Variants in LDLRAD4 observed in about 807,000 individuals in gnomAD.
The protein encoded by LDLRAD4 is low-density lipoprotein receptor class A domain-containing protein 4.
LDLRAD4 carries 5 observed loss-of-function variants against 17.0 expected under a neutral mutation model. That is an observed-to-expected ratio of 0.29 (90% confidence interval 0.15 to 0.62). The LOEUF (loss-of-function observed/expected upper bound fraction) is 0.62, where lower values mean the gene tolerates loss of function less well. Among genes scored for constraint, LDLRAD4 ranks in the 20% least tolerant of loss-of-function variants. The pLI, the probability that LDLRAD4 is intolerant of heterozygous loss-of-function variation, is 0.84. For synonymous variants in LDLRAD4, 168 were observed against 171.8 expected, an observed-to-expected ratio of 0.98 and a Z score of 0.17; for missense variants, 340 against 424.7, an observed-to-expected ratio of 0.80 and a Z score of 1.75.
intron 1 of LDLRAD4, among the ~76,000 whole-genome samples, chr18:13,249,090 G>A (rs1161720215): frequency 1.3e-5 from 2 of 152,126 alleles, no homozygotes; most frequent in Admixed American, 6.5e-5. Context: ...TTTTCATTTT[G>A]TATGGCTGAT....
intron 3 of LDLRAD4, chr18:13,522,002 G>A (rs1050147534): frequency 6.6e-6 from 1 of 151,214 alleles, no homozygotes; most frequent in African/African-American, 2.4e-5. Context: ...GCAGGGTTAT[G>A]GTGAAGTAAT....
At chr18:13,591,514 TAAAG>T (rs1568379567) in intron 3 of LDLRAD4, among the ~76,000 whole-genome samples, 1 of 152,028 alleles carries the variant, frequency 6.6e-6, no homozygotes, top group African/African-American at 2.4e-5. Flanking sequence ...ATGTTAAAAA[TAAAG>T]AAAACAATCA....
intron 4 of LDLRAD4, chr18:13,642,405 T>C (rs1416668332): frequency 2.1e-5 from 23 of 1,101,430 alleles, no homozygotes; most frequent in Non-Finnish European, 2.5e-5. Context: ...GTACTTTTTT[T>C]CCCAGCACGC....
chr18:13,297,637 AG>A (rs571452282), intron 1 of LDLRAD4, among the ~76,000 whole-genome samples: 57 of 152,298 alleles, frequency 3.7e-4, no homozygotes, highest in African/African-American at 1.2e-3. Flanking sequence ...TCTACAAAAA[AG>A]TTTTTAAAGA....
intron 3 of LDLRAD4, among the ~76,000 whole-genome samples, chr18:13,582,392 A>T (rs996851548): frequency 6.6e-6 from 1 of 152,280 alleles, no homozygotes; most frequent in African/African-American, 2.4e-5. Context: ...AAAGAACTGC[A>T]TCTAAACCGC....
At chr18:13,334,244 CT>C (rs113071795) in intron 1 of LDLRAD4, among the ~76,000 whole-genome samples, 4,537 of 148,764 alleles carry the variant, frequency 0.03, 171 homozygotes, top group African/African-American at 0.091. Flanking sequence ...TTTTTTATTT[CT>C]TTTTTTTTTG....
rs188436648 is a variant in LDLRAD4 at position 13,323,554 on chromosome 18, G to A, written c.-383+45366G>A. On this transcript the variant is annotated intron_variant, in intron 1 of 5. Transcript: ENST00000359446. ...TCAAGTGAGGTGCCACGTTTAAGGA[G>A]GCGCCAAACTCCAAACAAAACAAAA... is the stretch of plus-strand genomic sequence containing the variant. Among the ~76,000 whole-genome samples the A allele has an allele frequency of 1.0e-3, 159 of 152,244 alleles. 1 individual carries two copies. Among genetic ancestry groups the A allele is most frequent in the African/African-American group, 3.7e-3 (153 of 41,520 alleles).
chr18:13,376,916 G>A (rs11873718), intron 1 of LDLRAD4, among the ~76,000 whole-genome samples: 4 of 152,356 alleles, frequency 2.6e-5, no homozygotes, highest in African/African-American at 4.8e-5. Context: ...AGAACACAGC[G>A]GTGGGGTTTG....
At chr18:13,389,057 G>A (rs757514701) in intron 2 of LDLRAD4, among the ~76,000 whole-genome samples, 4 of 152,160 alleles carry the variant, frequency 2.6e-5, no homozygotes, top group Non-Finnish European at 4.4e-5. Context: ...TGTGGTGTGC[G>A]GGTCATGGCC....
At chr18:13,628,954 C>T (rs938820828) in intron 4 of LDLRAD4, among the ~76,000 whole-genome samples, 1 of 152,204 alleles carries the variant, frequency 6.6e-6, no homozygotes, top group Non-Finnish European at 1.5e-5. Context: ...CCTCAGCCTC[C>T]TGCGTAGCTG....
intron 1 of LDLRAD4, among the ~76,000 whole-genome samples, chr18:13,271,613 GC>G (rs763359409): frequency 6.6e-6 from 1 of 152,352 alleles, no homozygotes; most frequent in Non-Finnish European, 1.5e-5. Context: ...AGCCCCTGTT[GC>G]GTGAAGTCCT....
At chr18:13,593,136 A>G (rs2148560310) in intron 3 of LDLRAD4, among the ~76,000 whole-genome samples, 1 of 152,146 alleles carries the variant, frequency 6.6e-6, no homozygotes, top group Non-Finnish European at 1.5e-5. Context: ...AACATGGTAA[A>G]ACCCTGACTC....
intron 2 of LDLRAD4, among the ~76,000 whole-genome samples, chr18:13,437,904 C>T (rs1052526338): frequency 1.1e-4 from 16 of 152,176 alleles, no homozygotes; most frequent in African/African-American, 3.1e-4. Context: ...GTTTTCAAAC[C>T]GAATAATAGA....
intron 1 of LDLRAD4, among the ~76,000 whole-genome samples, chr18:13,341,395 TA>T (rs1431918477): frequency 6.6e-6 from 1 of 152,156 alleles, no homozygotes; most frequent in East Asian, 1.9e-4. Context: ...GTGTTTTCTT[TA>T]ATTCTTTCAT....
At chr18:13,480,119 T>G (rs1367327268) in intron 3 of LDLRAD4, among the ~76,000 whole-genome samples, 1 of 152,238 alleles carries the variant, frequency 6.6e-6, no homozygotes, top group Admixed American at 6.5e-5. Context: ...CATGGAAGTT[T>G]ATAGCAGCTT....
chr18:13,640,438 C>T (rs1158518353), intron 4 of LDLRAD4, among the ~76,000 whole-genome samples: 1 of 152,182 alleles, frequency 6.6e-6, no homozygotes, highest in Admixed American at 6.5e-5. Context: ...ATCTCCAGGC[C>T]ATCCCGTCTG....
chr18:13,275,948 C>T (rs758514816), upstream of LDLRAD4, among the ~76,000 whole-genome samples: 10 of 152,056 alleles, frequency 6.6e-5, no homozygotes, highest in Admixed American at 1.3e-4. Context: ...GATGTGTATG[C>T]GTTTAGTATA....
intron 2 of LDLRAD4, among the ~76,000 whole-genome samples, chr18:13,426,858 A>C (rs529228695): frequency 6.6e-6 from 1 of 152,334 alleles, no homozygotes; most frequent in African/African-American, 2.4e-5. Context: ...GTGTTTATGT[A>C]GCCCACGCCC....
At chr18:13,369,158 A>C (rs1223979996) in intron 1 of LDLRAD4, among the ~76,000 whole-genome samples, 3 of 152,224 alleles carry the variant, frequency 2.0e-5, no homozygotes, top group Non-Finnish European at 4.4e-5. Flanking sequence ...GGCCGGGCTC[A>C]CAGGCAGGGG....
Sources: gnomAD v4.1 joint callset for allele counts (sites outside exome capture counted in the v4.1 genomes callset) on GRCh38, gnomAD v4.1.1 for gene constraint, MANE v1.5 for transcripts, NCBI Gene and HGNC (gene_info 2026-07-23, HGNC 2026-07-21) for gene names.